Variants in MACROD2 observed in about 807,000 individuals in gnomAD.
MACROD2 encodes the protein mono-ADP ribosylhydrolase 2.
A neutral mutation model predicts 70.4 loss-of-function variants in MACROD2; 36 were observed. The observed-to-expected ratio is 0.51, with a 90% CI of 0.39 to 0.68. MACROD2 has a LOEUF of 0.68. Among genes scored for constraint, MACROD2 ranks in the 30% least tolerant of loss-of-function variants. MACROD2 has a pLI of 0.00. For synonymous variants in MACROD2, 172 were observed against 178.8 expected (o/e 0.96, Z 0.30); for missense variants, 496 against 538.4 (o/e 0.92, Z 0.78).
chr20:15,332,633 G>C (rs989206329), intron 6 of MACROD2, among the ~76,000 whole-genome samples: 3 of 150,128 alleles, frequency 2.0e-5, no homozygotes, highest in Admixed American at 1.3e-4. Flanking sequence ...TTTGAAAGAG[G>C]CCTTTCATGA....
At chr20:15,641,319 A>G (rs1425419393) in intron 8 of MACROD2, among the ~76,000 whole-genome samples, 1 of 152,198 alleles carries the variant, frequency 6.6e-6, no homozygotes. Context: ...GAGGCAGACT[A>G]ACTAGAGTAG....
At chr20:14,090,124 G>C (rs1237027377) in intron 3 of MACROD2, among the ~76,000 whole-genome samples, 1 of 152,048 alleles carries the variant, frequency 6.6e-6, no homozygotes, top group East Asian at 1.9e-4. Flanking sequence ...CTGTTGTCTA[G>C]ACTACAGACT....
chr20:15,027,796 A>G (rs2075244992), intron 5 of MACROD2, among the ~76,000 whole-genome samples: 1 of 152,072 alleles, frequency 6.6e-6, no homozygotes, highest in Admixed American at 6.6e-5. Flanking sequence ...AAGAGTATAA[A>G]TGGAGCCTGA....
chr20:15,058,012 A>G (rs1053020327), intron 5 of MACROD2, among the ~76,000 whole-genome samples: 2 of 152,152 alleles, frequency 1.3e-5, no homozygotes, highest in African/African-American at 4.8e-5. Context: ...AGAATTTATA[A>G]TATCAAGTCA....
intron 3 of MACROD2, among the ~76,000 whole-genome samples, chr20:14,135,790 A>T (rs898756122): frequency 2.0e-5 from 3 of 152,216 alleles, no homozygotes; most frequent in African/African-American, 7.2e-5. Context: ...GGAACTTAAG[A>T]TTCCCTACCA....
rs115093151 is a variant in MACROD2, at chr20:15,418,281, T to C, written c.541-13124T>C. 6.6e-3 allele frequency among the ~76,000 whole-genome samples: 1,013 copies of C among 152,346 alleles called. 9 individuals carry two copies. Among genetic ancestry groups the C allele is most frequent in the African/African-American group, 0.023 (959 of 41,582 alleles). ...AGGGGAAGAGACTGATAGCTGAAGC[T>C]CCTGAGTATTCTGTCCATTTCTATG... On this transcript the variant is annotated intron_variant, in intron 6 of 17. Transcript: ENST00000684519.
intron 5 of MACROD2, among the ~76,000 whole-genome samples, chr20:14,806,586 A>G (rs2072641582): frequency 6.6e-6 from 1 of 152,056 alleles, no homozygotes; most frequent in Non-Finnish European, 1.5e-5. Flanking sequence ...TGCCAGTGAG[A>G]CTGAACCATT....
chr20:15,649,429 T>C (rs2146792554), intron 8 of MACROD2, among the ~76,000 whole-genome samples: 1 of 152,162 alleles, frequency 6.6e-6, no homozygotes, highest in East Asian at 1.9e-4. Flanking sequence ...GTAAAGACCA[T>C]GCAAGTTCCA....
At chr20:15,360,397 C>T (rs2078338076) in intron 6 of MACROD2, among the ~76,000 whole-genome samples, 1 of 152,016 alleles carries the variant, frequency 6.6e-6, no homozygotes, top group South Asian at 2.1e-4. Flanking sequence ...CATGTGATTG[C>T]TGTAACATAT....
At chr20:15,914,320 C>G (rs113472461) in intron 10 of MACROD2, among the ~76,000 whole-genome samples, 3 of 152,266 alleles carry the variant, frequency 2.0e-5, no homozygotes, top group East Asian at 1.9e-4. Flanking sequence ...TCATTTCAGG[C>G]CAGTGCTGAA....
chr20:14,602,143 A>G (rs1600441521), intron 4 of MACROD2, among the ~76,000 whole-genome samples: 1 of 152,132 alleles, frequency 6.6e-6, no homozygotes, highest in Non-Finnish European at 1.5e-5. Context: ...GAATTTATTG[A>G]GTGAAAGGAA....
chr20:15,277,325 G>A (rs995122544), intron 6 of MACROD2, among the ~76,000 whole-genome samples: 1 of 152,110 alleles, frequency 6.6e-6, no homozygotes, highest in African/African-American at 2.4e-5. Flanking sequence ...ATCAAAAGCC[G>A]ACCTGCCTGT....
chr20:14,781,327 G>A (rs776017792), intron 5 of MACROD2, among the ~76,000 whole-genome samples: 110 of 151,718 alleles, frequency 7.3e-4, no homozygotes, highest in Non-Finnish European at 1.3e-3. Flanking sequence ...CATTTAAACA[G>A]ATGACCTCAG....
At chr20:15,968,777 TATA>T (rs978062658) in intron 13 of MACROD2, among the ~76,000 whole-genome samples, 32 of 142,142 alleles carry the variant, frequency 2.3e-4, no homozygotes, top group Admixed American at 1.0e-3. Flanking sequence ...ATTATAAACA[TATA>T]ATATTATATA....
intron 5 of MACROD2, among the ~76,000 whole-genome samples, chr20:15,181,282 A>G (rs1029336499): frequency 2.6e-5 from 4 of 152,356 alleles, no homozygotes; most frequent in African/African-American, 7.2e-5. Context: ...GGGCCTTGCC[A>G]TTTAAACCTG....
chr20:14,667,505 G>A (rs1243855075), intron 4 of MACROD2, among the ~76,000 whole-genome samples: 1 of 152,024 alleles, frequency 6.6e-6, no homozygotes, highest in Non-Finnish European at 1.5e-5. Flanking sequence ...TATTTCATAA[G>A]CCCACATAAT....
intron 8 of MACROD2, among the ~76,000 whole-genome samples, chr20:15,600,186 C>T (rs187695423): frequency 1.6e-4 from 24 of 152,260 alleles, no homozygotes; most frequent in Admixed American, 7.8e-4. Context: ...GCAGGCCTGT[C>T]TTTCTAGGTG....
intron 6 of MACROD2, among the ~76,000 whole-genome samples, chr20:15,412,595 G>A (rs6079806): frequency 0.14 from 20,644 of 152,102 alleles, 1,630 homozygotes; most frequent in Non-Finnish European, 0.18. Context: ...TGTTTTCTAC[G>A]TGAAAACTGA....
chr20:14,324,908 C>G (rs2082709342), intron 3 of MACROD2: 1 of 152,460 alleles, frequency 6.6e-6, no homozygotes, highest in Admixed American at 6.6e-5. Flanking sequence ...CTGATGTATT[C>G]AGTTCAGAAG....
Sources: gnomAD v4.1 joint callset for allele counts (sites outside exome capture counted in the v4.1 genomes callset) on GRCh38, gnomAD v4.1.1 for gene constraint, MANE v1.5 for transcripts, NCBI Gene and HGNC (gene_info 2026-07-23, HGNC 2026-07-21) for gene names.